CRCP: variants seen among roughly 807,000 people sequenced by gnomAD.
The protein encoded by CRCP is CGRP receptor component.
Under a neutral mutation model 18.5 loss-of-function variants are expected in CRCP, and 18 were observed. The observed-to-expected ratio is 0.97, with a 90% CI of 0.67 to 1.44. CRCP has a LOEUF of 1.44. Ranked by LOEUF, CRCP falls within the 40% of genes most tolerant of loss-of-function variation. The pLI, the probability that CRCP is intolerant of heterozygous loss-of-function variation, is 0.00. For missense variants in CRCP, 130 were observed against 176.4 expected, an observed-to-expected ratio of 0.74 and a Z score of 1.49; for synonymous variants, 53 against 62.9, an observed-to-expected ratio of 0.84 and a Z score of 0.75.
intron 4 of CRCP, among the ~76,000 whole-genome samples, chr7:66,142,037 A>G (rs188343329): frequency 1.3e-5 from 2 of 152,118 alleles, no homozygotes; most frequent in Admixed American, 1.3e-4. Flanking sequence ...TCTTCTGGTC[A>G]TCTCGTTACC....
At chr7:66,115,494 A>G (rs1787232066) in intron 1 of CRCP, among the ~76,000 whole-genome samples, 1 of 152,124 alleles carries the variant, frequency 6.6e-6, no homozygotes, top group African/African-American at 2.4e-5. Context: ...GGGGTGGAGA[A>G]GGGAAGGACG....
intron 4 of CRCP, among the ~76,000 whole-genome samples, chr7:66,137,139 G>C (rs316334): frequency 6.6e-6 from 1 of 151,840 alleles, no homozygotes; most frequent in African/African-American, 2.4e-5. Context: ...AAAACAACCC[G>C]CCAATACTGA....
chr7:66,133,871 T>G (rs1395431293), intron 3 of CRCP, among the ~76,000 whole-genome samples: 1 of 148,268 alleles, frequency 6.7e-6, no homozygotes, highest in East Asian at 2.0e-4. Flanking sequence ...TTTTTTTTTT[T>G]TTTTTGAGAC....
At chr7:66,144,071 G>A (rs1247207162) in intron 4 of CRCP, among the ~76,000 whole-genome samples, 1 of 152,160 alleles carries the variant, frequency 6.6e-6, no homozygotes, top group African/African-American at 2.4e-5. Flanking sequence ...TTGGAAAGAT[G>A]GATATGCAGC....
intron 5 of CRCP, 75 bp downstream of exon 5, chr7:66,145,575 G>A: frequency 6.6e-7 from 1 of 1,519,018 alleles, no homozygotes; most frequent in South Asian, 1.1e-5. Context: ...GACAAGCCAG[G>A]AACTGCGTTT....
intron 3 of CRCP, among the ~76,000 whole-genome samples, chr7:66,132,606 C>T (rs547919662): frequency 6.6e-6 from 1 of 152,238 alleles, no homozygotes; most frequent in African/African-American, 2.4e-5. Flanking sequence ...ACTGTTTCTT[C>T]ATTTCCACAT....
At position 66,152,723 on chromosome 7, in the gene CRCP, T is replaced by G; in HGVS notation, c.*366T>G. The G allele has an allele frequency of 5.0e-6, 1 of 199,862 alleles. No individual in the cohort carries two copies. Among genetic ancestry groups the G allele is most frequent in the Non-Finnish European group, 1.0e-5 (1 of 96,546 alleles). 12.4% of individuals were successfully genotyped at this position (199,862 alleles called of 1,614,324 possible). On this transcript the variant is annotated 3_prime_UTR_variant, in exon 6 of 6. Coordinates refer to ENST00000395326, the MANE Select transcript of CRCP (RefSeq NM_014478.5). ...CCATGTCCTAATTAGTTTCATCTGC[T>G]TCCCTGGGAACTTACTAAGGGGCCC...
At chr7:66,127,893 T>C (rs1464663528) in intron 2 of CRCP, among the ~76,000 whole-genome samples, 153 bp downstream of exon 2, 1 of 152,042 alleles carries the variant, frequency 6.6e-6, no homozygotes, top group Non-Finnish European at 1.5e-5. Flanking sequence ...GCTGGATCAC[T>C]TGAGGTCAGG....
At chr7:66,121,341 G>A (rs1329698247) in intron 1 of CRCP, among the ~76,000 whole-genome samples, 15 of 151,850 alleles carry the variant, frequency 9.9e-5, no homozygotes, top group Admixed American at 6.6e-4. Flanking sequence ...ATGAGCCACC[G>A]CGCTGGCCCA....
intron 2 of CRCP, 138 bp downstream of exon 2, chr7:66,127,878 C>A: frequency 2.2e-6 from 2 of 916,566 alleles, no homozygotes; most frequent in Non-Finnish European, 1.7e-6. Context: ...CTTTGGGAGG[C>A]TGAGGCTGGA....
intron 1 of CRCP, 23 bp from the exon 2 acceptor site, chr7:66,127,681 G>GA: frequency 6.2e-7 from 1 of 1,614,022 alleles, no homozygotes; most frequent in Non-Finnish European, 8.5e-7. Flanking sequence ...CCAGACTGAT[G>GA]ATAGCTTACT....
chr7:66,127,242 T>TA (rs1787641516), intron 1 of CRCP, among the ~76,000 whole-genome samples: 1 of 152,226 alleles, frequency 6.6e-6, no homozygotes, highest in African/African-American at 2.4e-5. Flanking sequence ...GATTAACTGT[T>TA]ACACAGGGAA....
At chr7:66,140,759 G>A (rs992205716) in intron 4 of CRCP, among the ~76,000 whole-genome samples, 2 of 152,164 alleles carry the variant, frequency 1.3e-5, no homozygotes, top group African/African-American at 2.4e-5. Flanking sequence ...ATCTTCTCCT[G>A]TAGCAGAAGT....
intron 5 of CRCP, among the ~76,000 whole-genome samples, chr7:66,149,756 C>T (rs796123103): frequency 2.6e-5 from 4 of 152,206 alleles, no homozygotes; most frequent in East Asian, 1.9e-4. Context: ...CTTACTAGCA[C>T]GTCTTGGATC....
At chr7:66,145,284 C>T (rs1287413919) in intron 4 of CRCP, among the ~76,000 whole-genome samples, 159 bp from the exon 5 acceptor site, 1 of 152,238 alleles carries the variant, frequency 6.6e-6, no homozygotes, top group Non-Finnish European at 1.5e-5. Flanking sequence ...CACATACACG[C>T]TCCTGTTCCC....
chr7:66,136,744 T>C (rs935376608), intron 4 of CRCP, among the ~76,000 whole-genome samples: 11 of 152,060 alleles, frequency 7.2e-5, no homozygotes, highest in Non-Finnish European at 1.6e-4. Flanking sequence ...CTTACATCTA[T>C]AGGTCAGTTT....
chr7:66,120,228 T>C (rs1013194377), intron 1 of CRCP, among the ~76,000 whole-genome samples: 1 of 152,180 alleles, frequency 6.6e-6, no homozygotes, highest in Non-Finnish European at 1.5e-5. Flanking sequence ...GTTTTTTGCA[T>C]GTTTTTCATT....
chr7:66,135,427 G>A (rs1787943002), intron 4 of CRCP, among the ~76,000 whole-genome samples: 2 of 152,170 alleles, frequency 1.3e-5, no homozygotes, highest in Non-Finnish European at 2.9e-5. Context: ...GAAAAAACAA[G>A]ACAGAATTGA....
chr7:66,152,069 A>T (rs1788493657), intron 5 of CRCP, 139 bp from the exon 6 acceptor site: 1 of 845,442 alleles, frequency 1.2e-6, no homozygotes, highest in African/African-American at 1.7e-5. Flanking sequence ...CGTCTGTAAG[A>T]TGGAGAGGAC....
Sources: allele counts gnomAD v4.1 joint callset (sites outside exome capture counted in the v4.1 genomes callset), GRCh38; gene constraint gnomAD v4.1.1; transcripts MANE v1.5; gene names NCBI Gene and HGNC (gene_info 2026-07-23, HGNC 2026-07-21).